The following MSRA variants were observed in gnomAD, a reference collection of about 807,000 sequenced individuals.
MSRA encodes the protein methionine sulfoxide reductase A.
MSRA carries 54 observed loss-of-function variants against 31.3 expected under a neutral mutation model. The ratio of observed to expected loss-of-function variants is 1.73; its 90% CI spans 1.39 to 2.17. The LOEUF is 2.17. Among genes scored for constraint, MSRA ranks in the 30% most tolerant of loss-of-function variants. The pLI, the probability that MSRA is intolerant of heterozygous loss-of-function variation, is 0.00. For missense variants in MSRA, 507 were observed against 300.9 expected, an observed-to-expected ratio of 1.69 and a Z score of -5.07; for synonymous variants, 169 against 116.5, an observed-to-expected ratio of 1.45 and a Z score of -2.90.
intron 5 of MSRA, among the ~76,000 whole-genome samples, chr8:10,334,582 G>A (rs1318714537): frequency 6.6e-6 from 1 of 152,132 alleles, no homozygotes; most frequent in Non-Finnish European, 1.5e-5. Context: ...CCCGGCCTGC[G>A]CCTGCACGGC....
At chr8:10,263,128 T>C (rs1369309775) in intron 3 of MSRA, among the ~76,000 whole-genome samples, 1 of 152,230 alleles carries the variant, frequency 6.6e-6, no homozygotes, top group East Asian at 1.9e-4. Flanking sequence ...TTATCATATT[T>C]TCAGTGGTTG....
intron 3 of MSRA, among the ~76,000 whole-genome samples, chr8:10,283,331 A>T (rs1168404076): frequency 2.0e-5 from 3 of 152,106 alleles, no homozygotes; most frequent in African/African-American, 7.2e-5. Flanking sequence ...AACCCTCTTC[A>T]TATTTATTAG....
chr8:10,165,137 G>A (rs1370744735), intron 1 of MSRA, among the ~76,000 whole-genome samples: 3 of 152,184 alleles, frequency 2.0e-5, no homozygotes, highest in Non-Finnish European at 4.4e-5. Flanking sequence ...TAATTCTAAT[G>A]TGCGGCCTAG....
intron 2 of MSRA, among the ~76,000 whole-genome samples, chr8:10,244,384 A>C (rs1221109659): frequency 1.3e-5 from 2 of 152,166 alleles, no homozygotes; most frequent in Admixed American, 1.3e-4. Flanking sequence ...TTTTCATCAG[A>C]TGTTCAAAGA....
At chr8:10,138,877 G>A (rs1802483512) in intron 1 of MSRA, among the ~76,000 whole-genome samples, 1 of 152,146 alleles carries the variant, frequency 6.6e-6, no homozygotes, top group Non-Finnish European at 1.5e-5. Flanking sequence ...AGCAGCAGCA[G>A]CAAGACTCAC....
intron 1 of MSRA, among the ~76,000 whole-genome samples, chr8:10,090,983 C>T (rs1392138800): frequency 1.3e-5 from 2 of 152,184 alleles, no homozygotes; most frequent in Non-Finnish European, 2.9e-5. Flanking sequence ...AACAATGATT[C>T]TGTGGGCATT....
At chr8:10,267,853 G>A (rs1156889855) in intron 3 of MSRA, among the ~76,000 whole-genome samples, 3 of 152,060 alleles carry the variant, frequency 2.0e-5, no homozygotes, top group African/African-American at 7.2e-5. Context: ...TTCATTTTAT[G>A]TGGAAAAAAT....
chr8:10,069,922 G>A (rs978137244), intron 1 of MSRA, among the ~76,000 whole-genome samples: 1 of 152,164 alleles, frequency 6.6e-6, no homozygotes, highest in African/African-American at 2.4e-5. Flanking sequence ...AATGAAACAT[G>A]ACAAAACCAC....
intron 1 of MSRA, among the ~76,000 whole-genome samples, chr8:10,190,036 C>T (rs1807373127): frequency 6.6e-6 from 1 of 152,032 alleles, no homozygotes. Context: ...AATTTGTTGC[C>T]TCTTAGCTCC....
intron 1 of MSRA, among the ~76,000 whole-genome samples, chr8:10,178,557 G>A (rs999998066): frequency 1.3e-5 from 2 of 152,124 alleles, no homozygotes; most frequent in Non-Finnish European, 2.9e-5. Context: ...TAAGTGCAGC[G>A]ATGAAGATAT....
chr8:10,156,519 A>G (rs529449901), intron 1 of MSRA, among the ~76,000 whole-genome samples: 1 of 152,180 alleles, frequency 6.6e-6, no homozygotes, highest in African/African-American at 2.4e-5. Flanking sequence ...TCAGTATTCA[A>G]TGCTATATCG....
chr8:10,227,968 C>A lies in MSRA; in HGVS notation c.212-17136C>A, dbSNP rs906655055. Among the ~76,000 whole-genome samples the A allele has an allele frequency of 3.3e-5, 5 of 152,174 alleles. No individual in the cohort carries two copies. In the East Asian group the frequency reaches 9.6e-4, roughly 29 times the overall value. ...TTTACATTTTTTGCCACGTATTCAT[C>A]TTCCTTGTTCCTAGCATCGTAGAGC... On this transcript the variant is annotated intron_variant, in intron 2 of 5. Transcript: ENST00000317173.
intron 1 of MSRA, among the ~76,000 whole-genome samples, chr8:10,154,852 C>G (rs982825837): frequency 2.7e-4 from 41 of 151,310 alleles, no homozygotes; most frequent in African/African-American, 8.5e-4. Context: ...AAATAGTGAT[C>G]TATTGTTTTA....
chr8:10,240,831 C>G (rs1186868423), intron 2 of MSRA, among the ~76,000 whole-genome samples: 1 of 151,886 alleles, frequency 6.6e-6, no homozygotes, highest in Non-Finnish European at 1.5e-5. Flanking sequence ...CAACACCCCA[C>G]CCCCCGCACC....
At chr8:10,337,587 C>G (rs548116088) in intron 5 of MSRA, 3 of 644,456 alleles carry the variant, frequency 4.7e-6, no homozygotes, top group Non-Finnish European at 8.4e-6. Context: ...AGATTCCTCT[C>G]TGTCTCTGGA....
chr8:10,399,512 A>G (rs1160289632), intron 5 of MSRA, among the ~76,000 whole-genome samples: 2 of 152,136 alleles, frequency 1.3e-5, no homozygotes, highest in African/African-American at 4.8e-5. Flanking sequence ...CTGGCCGTGC[A>G]CCTGCTACCA....
chr8:10,257,921 C>G (rs137868849), intron 3 of MSRA, among the ~76,000 whole-genome samples: 263 of 152,318 alleles, frequency 1.7e-3, no homozygotes, highest in African/African-American at 6.1e-3. Context: ...TGTTAAGAAG[C>G]AGGAGATGAG....
intron 5 of MSRA, among the ~76,000 whole-genome samples, chr8:10,406,858 ATCT>A (rs1410714648): frequency 6.6e-6 from 1 of 152,038 alleles, no homozygotes; most frequent in African/African-American, 2.4e-5. Flanking sequence ...GTCAGACGTG[ATCT>A]TCTCTTTTTT....
In MSRA at chr8:10,100,481, G is replaced by T. The variant is rs374928853; in HGVS notation, c.142+45823G>T. Among the ~76,000 whole-genome samples the T allele has an allele frequency of 1.3e-4, 20 of 152,238 alleles. No individual in the cohort carries two copies. The East Asian group carries it at 2.7e-3, about 21-fold the overall frequency. On this transcript the variant is annotated intron_variant, in intron 1 of 5. Coordinates refer to ENST00000317173, the MANE Select transcript of MSRA (RefSeq NM_012331.5). ...GGTATTGGGAGAAGGTCAAAGGTCT[G>T]TGGCCAGGGAGGGCAGTGTTCCAGT...
Sources: allele counts gnomAD v4.1 joint callset (sites outside exome capture counted in the v4.1 genomes callset), GRCh38; gene constraint gnomAD v4.1.1; transcripts MANE v1.5; gene names NCBI Gene and HGNC (gene_info 2026-07-23, HGNC 2026-07-21).